LINGO2: variants seen among roughly 807,000 people sequenced by gnomAD.
The protein encoded by LINGO2 is leucine-rich repeat and immunoglobulin-like domain-containing nogo receptor-interacting protein 2.
Under a neutral mutation model 30.6 loss-of-function variants are expected in LINGO2, and 14 were observed. The observed-to-expected ratio is 0.46, with a 90% CI of 0.30 to 0.72. LINGO2 has a LOEUF of 0.72. Ranked by LOEUF, LINGO2 falls within the 30% of genes least tolerant of loss-of-function variation. The pLI, the probability that LINGO2 is intolerant of heterozygous loss-of-function variation, is 0.07. For missense variants in LINGO2, 729 were observed against 751.7 expected (o/e 0.97, Z 0.35); for synonymous variants, 317 against 288.5 (o/e 1.10, Z -1.00).
At chr9:28,378,782 T>C (rs1442044851) in intron 2 of LINGO2, among the ~76,000 whole-genome samples, 1 of 152,174 alleles carries the variant, frequency 6.6e-6, no homozygotes, top group Non-Finnish European at 1.5e-5. Flanking sequence ...TATGACCTAC[T>C]TGCAAGCAAG....
chr9:28,705,847 A>G, the LINGO2 span, among the ~76,000 whole-genome samples: 21 of 152,184 alleles, frequency 1.4e-4, no homozygotes, highest in Middle Eastern at 3.4e-3. Context: ...GTGATTCTCT[A>G]TATCCAGTCC....
chr9:28,224,811 C>T (rs756609720), intron 4 of LINGO2, among the ~76,000 whole-genome samples: 9 of 151,988 alleles, frequency 5.9e-5, no homozygotes, highest in Non-Finnish European at 7.4e-5. Context: ...CCCTAAATGG[C>T]GAAAGCAGTC....
the LINGO2 span, among the ~76,000 whole-genome samples, chr9:28,955,948 A>T: frequency 6.6e-6 from 1 of 152,094 alleles, no homozygotes; most frequent in Non-Finnish European, 1.5e-5. Flanking sequence ...TCACATTTAA[A>T]AACAAGATTA....
At chr9:28,995,428 T>G in the LINGO2 span, among the ~76,000 whole-genome samples, 1 of 152,196 alleles carries the variant, frequency 6.6e-6, no homozygotes. Context: ...GGTGGGACTG[T>G]AAACTAGTTC....
At chr9:29,131,475 C>T in the LINGO2 span, among the ~76,000 whole-genome samples, 1 of 152,006 alleles carries the variant, frequency 6.6e-6, no homozygotes, top group South Asian at 2.1e-4. Flanking sequence ...TACTGCCATC[C>T]CAATCCCCGC....
the LINGO2 span, among the ~76,000 whole-genome samples, chr9:28,714,173 A>G: frequency 1.1e-5 from 1 of 89,324 alleles, no homozygotes. Flanking sequence ...TAATATATAT[A>G]TATATATATA....
the LINGO2 span, among the ~76,000 whole-genome samples, chr9:28,794,958 G>A: frequency 6.6e-6 from 1 of 151,844 alleles, no homozygotes; most frequent in Non-Finnish European, 1.5e-5. Flanking sequence ...AACCTCCCGA[G>A]TAGCTGGGAT....
intron 2 of LINGO2, among the ~76,000 whole-genome samples, chr9:28,461,882 AT>A (rs574190715): frequency 1.3e-5 from 2 of 152,262 alleles, no homozygotes; most frequent in African/African-American, 4.8e-5. Flanking sequence ...TCTCATTTAA[AT>A]TTTTTAACTA....
At chr9:27,982,966 C>T (rs1050837190) in intron 5 of LINGO2, among the ~76,000 whole-genome samples, 13 of 151,746 alleles carry the variant, frequency 8.6e-5, no homozygotes, top group African/African-American at 2.9e-4. Flanking sequence ...GCACACAATA[C>T]GTACTCTGTC....
chr9:28,302,568 G>A (rs1052511859), intron 3 of LINGO2, among the ~76,000 whole-genome samples: 4 of 152,104 alleles, frequency 2.6e-5, no homozygotes, highest in Admixed American at 6.5e-5. Context: ...CTACTCAGGA[G>A]GCTGAGTTGG....
At position 28,148,414 on chromosome 9, in the gene LINGO2, A is replaced by G; in HGVS notation, c.-86-136009T>C. ...CTTCATTAGATGAGCAGGTGATCCCAGCCAGGCTCCCGAAGATGGAGGTGA... is the reference window on the plus strand; with the variant it reads ...CTTCATTAGATGAGCAGGTGATCCCGGCCAGGCTCCCGAAGATGGAGGTGA... On this transcript the variant is annotated intron_variant, in intron 4 of 5. Coordinates refer to ENST00000379992, the Ensembl canonical transcript of LINGO2. The surrounding 1 kb of genome is among the most constrained non-coding windows in gnomAD (Gnocchi z 5.1). 1.5e-6 allele frequency: 2 copies of G among 1,314,070 alleles called. No homozygotes were observed. Among genetic ancestry groups the G allele is most frequent in the Non-Finnish European group, 2.1e-6 (2 of 945,114 alleles). The allele number at this position is 1,314,070 out of a possible 1,614,324, so 81.4% of individuals were successfully genotyped here. A position where few individuals can be genotyped will look rare whatever the true frequency, so the allele number is the denominator to read the frequency against.
At chr9:28,581,770 C>T (rs1243166277) in intron 1 of LINGO2, among the ~76,000 whole-genome samples, 1 of 151,696 alleles carries the variant, frequency 6.6e-6, no homozygotes, top group Non-Finnish European at 1.5e-5. Flanking sequence ...AATGGTTTTC[C>T]TTCTTCTGAA....
intron 3 of LINGO2, among the ~76,000 whole-genome samples, chr9:28,351,882 A>G (rs1301956617): frequency 7.4e-5 from 11 of 149,658 alleles, no homozygotes; most frequent in Non-Finnish European, 9.0e-5. Context: ...GCATATAAAC[A>G]GAGCCAAAGA....
At chr9:28,821,809 A>G in the LINGO2 span, among the ~76,000 whole-genome samples, 1 of 152,172 alleles carries the variant, frequency 6.6e-6, no homozygotes, top group African/African-American at 2.4e-5. Context: ...CATGAAGTAT[A>G]GAGGATACGG....
At chr9:28,013,196 G>A (rs1822647381) in intron 4 of LINGO2, among the ~76,000 whole-genome samples, 1 of 152,120 alleles carries the variant, frequency 6.6e-6, no homozygotes, top group Non-Finnish European at 1.5e-5. Context: ...TTGGCACATA[G>A]AATTCCCTAT....
chr9:28,245,929 T>G (rs1296826147), intron 4 of LINGO2, among the ~76,000 whole-genome samples: 2 of 151,956 alleles, frequency 1.3e-5, no homozygotes, highest in Non-Finnish European at 2.9e-5. Context: ...CTTCACAGAA[T>G]TAGAAAAAAA....
At chr9:28,272,481 A>G (rs1302642147) in intron 4 of LINGO2, among the ~76,000 whole-genome samples, 2 of 151,864 alleles carry the variant, frequency 1.3e-5, no homozygotes, top group Non-Finnish European at 2.9e-5. Flanking sequence ...TCAGGTTTCA[A>G]CTTGAATATC....
chr9:28,225,687 A>G (rs944693742), intron 4 of LINGO2, among the ~76,000 whole-genome samples: 5 of 152,134 alleles, frequency 3.3e-5, no homozygotes, highest in African/African-American at 1.2e-4. Context: ...AATTCCTTAA[A>G]TAGAAATATG....
At chr9:28,571,789 T>A (rs1823707960) in intron 1 of LINGO2, among the ~76,000 whole-genome samples, 1 of 151,940 alleles carries the variant, frequency 6.6e-6, no homozygotes, top group Non-Finnish European at 1.5e-5. Flanking sequence ...TTGTTCTATA[T>A]GTTGAGAATA....
Sources: gnomAD v4.1 joint callset for allele counts (sites outside exome capture counted in the v4.1 genomes callset) on GRCh38, gnomAD v4.1.1 for gene constraint, Gnocchi (gnomAD v3.1) non-coding constraint, MANE v1.5 for transcripts, NCBI Gene and HGNC (gene_info 2026-07-23, HGNC 2026-07-21) for gene names.